Variants in PNPT1 observed in about 807,000 individuals in gnomAD.
PNPT1 encodes the protein polyribonucleotide nucleotidyltransferase 1, mitochondrial.
In PNPT1, 53 loss-of-function variants were observed where a neutral mutation model predicts 119.5. The observed-to-expected ratio is 0.44, with a 90% confidence interval of 0.36 to 0.56. The LOEUF is 0.56. Ranked by LOEUF, PNPT1 falls within the 20% of genes least tolerant of loss-of-function variation. The pLI is 0.00. For missense variants in PNPT1, 948 were observed against 938.5 expected, an observed-to-expected ratio of 1.01 and a Z score of -0.13; for synonymous variants, 357 against 322.1, an observed-to-expected ratio of 1.11 and a Z score of -1.16.
At chr2:55,637,343 T>C (rs1695707576) in intron 27 of PNPT1, among the ~76,000 whole-genome samples, 1 of 152,222 alleles carries the variant, frequency 6.6e-6, no homozygotes, top group African/African-American at 2.4e-5. Flanking sequence ...TGACTACCAT[T>C]TTGGCCAAGC....
At chr2:55,671,437 T>C in intron 10 of PNPT1, 61 bp from the exon 11 acceptor site, 1 of 1,039,516 alleles carries the variant, frequency 9.6e-7, no homozygotes, top group Non-Finnish European at 1.4e-6. Context: ...ATTTCTGTTT[T>C]CTAATTATTA....
At chr2:55,683,690 T>A in intron 5 of PNPT1, 95 bp downstream of exon 5, 2 of 1,143,536 alleles carry the variant, frequency 1.7e-6, no homozygotes, top group African/African-American at 1.6e-5. Flanking sequence ...AAAATTCTTA[T>A]GTTCTTTATA....
chr2:55,651,771 TTTAAAAAAAAAAAAAAAA>T (rs1696214767), intron 18 of PNPT1, among the ~76,000 whole-genome samples: 1 of 92,902 alleles, frequency 1.1e-5, no homozygotes, highest in African/African-American at 3.4e-5. Context: ...GAATGATCAA[TTTAAAAAAAAAAAAAAAA>T]TTAAAAAAAA....
intron 8 of PNPT1, among the ~76,000 whole-genome samples, chr2:55,679,405 A>T (rs535286237): frequency 6.6e-6 from 1 of 152,308 alleles, no homozygotes; most frequent in East Asian, 1.9e-4. Flanking sequence ...TAGACTAAAA[A>T]TTAGTCATAA....
intron 3 of PNPT1, among the ~76,000 whole-genome samples, chr2:55,685,812 A>G (rs1013396008): frequency 2.6e-5 from 4 of 152,216 alleles, no homozygotes; most frequent in African/African-American, 4.8e-5. Flanking sequence ...GTAAAACACC[A>G]TAGTATTTGT....
intron 18 of PNPT1, among the ~76,000 whole-genome samples, chr2:55,651,336 G>A (rs919316911): frequency 1.6e-4 from 24 of 152,148 alleles, no homozygotes; most frequent in African/African-American, 5.3e-4. Context: ...ATAGAAAGGG[G>A]GGAAAGGTGG....
chr2:55,661,438 A>G (rs1278443431), intron 14 of PNPT1, among the ~76,000 whole-genome samples: 1 of 152,036 alleles, frequency 6.6e-6, no homozygotes, highest in African/African-American at 2.4e-5. Flanking sequence ...GGCCTGCAAT[A>G]AAGATTCTTA....
chr2:55,644,474 C>T (rs1232631019), intron 23 of PNPT1, among the ~76,000 whole-genome samples, 163 bp downstream of exon 23: 2 of 152,126 alleles, frequency 1.3e-5, no homozygotes, highest in Non-Finnish European at 2.9e-5. Flanking sequence ...TATTAATAGG[C>T]ACACAGAAAA....
chr2:55,686,426 T>C lies in PNPT1; in HGVS notation c.241A>G (p.Met81Val), dbSNP rs2104178982. ...TTTGTTTTACTGACCGCTGTGACCA[T>C]TACTGCAGTGTCACCTGACTTAAAC... ...AVVQSGDTAV[M>V]VTAVSKTKPS... is the part of the protein sequence containing the mutation. Residue 81 changes from methionine (M) to valine (V), a missense_variant, in exon 3 of 28, where the codon ATG (methionine) becomes GTG (valine). Physicochemically the swap from Met to Val is conservative, Grantham distance 21. Coordinates refer to ENST00000447944, the MANE Select transcript of PNPT1 (RefSeq NM_033109.5). 1.2e-6 allele frequency: 2 copies of C among 1,613,826 alleles called. No individual in the cohort carries two copies. The highest frequency in any genetic ancestry group is 4.5e-5 in the East Asian group (2 of 44,850).
intron 8 of PNPT1, among the ~76,000 whole-genome samples, chr2:55,674,166 C>T (rs1696995302): frequency 6.6e-6 from 1 of 152,106 alleles, no homozygotes; most frequent in Non-Finnish European, 1.5e-5. Context: ...AGTAAGCCAA[C>T]TAAAGGACTG....
intron 23 of PNPT1, among the ~76,000 whole-genome samples, chr2:55,644,058 A>C (rs1262463769): frequency 1.3e-5 from 2 of 152,186 alleles, no homozygotes; most frequent in Non-Finnish European, 2.9e-5. Flanking sequence ...AGAAACTATA[A>C]TAGAACCCTT....
chr2:55,683,106 A>G (rs1227313285), intron 5 of PNPT1, among the ~76,000 whole-genome samples: 1 of 152,240 alleles, frequency 6.6e-6, no homozygotes, highest in East Asian at 1.9e-4. Flanking sequence ...CAGCAATAAA[A>G]TTAGGTAATA....
chr2:55,638,092 C>T (rs558061507), intron 26 of PNPT1, among the ~76,000 whole-genome samples: 10 of 150,936 alleles, frequency 6.6e-5, no homozygotes, highest in Admixed American at 2.6e-4. Context: ...ACTTGAGCTC[C>T]GGAGTTCGAA....
chr2:55,645,017 C>T (rs1005631179), intron 22 of PNPT1: 4 of 280,068 alleles, frequency 1.4e-5, no homozygotes, highest in Non-Finnish European at 2.6e-5. Context: ...ACCATGATCA[C>T]TAAAATTTTT....
chr2:55,642,008 A>T (rs916005830), intron 25 of PNPT1, among the ~76,000 whole-genome samples: 12 of 152,016 alleles, frequency 7.9e-5, no homozygotes, highest in African/African-American at 2.9e-4. Flanking sequence ...TGCCTGGCTA[A>T]CTTTTGTATT....
At chr2:55,656,481 GTTT>G (rs1196858711) in intron 15 of PNPT1, 110 bp from the exon 16 acceptor site, 1 of 1,039,268 alleles carries the variant, frequency 9.6e-7, no homozygotes, top group East Asian at 2.6e-5. Context: ...TCTCATTTTT[GTTT>G]TTTAAAAAAG....
intron 21 of PNPT1, among the ~76,000 whole-genome samples, chr2:55,645,890 T>A (rs542479888): frequency 1.3e-5 from 2 of 152,224 alleles, no homozygotes; most frequent in South Asian, 4.1e-4. Flanking sequence ...CGCAATGGCA[T>A]GATCTCGGCT....
intron 27 of PNPT1, 106 bp downstream of exon 27, chr2:55,637,446 T>TA: frequency 9.6e-7 from 1 of 1,043,290 alleles, no homozygotes; most frequent in Non-Finnish European, 1.5e-6. Flanking sequence ...TGCATACAAA[T>TA]AAAAAACTTC....
chr2:55,639,418 A>G (rs1416465487), intron 26 of PNPT1, among the ~76,000 whole-genome samples: 1 of 152,130 alleles, frequency 6.6e-6, no homozygotes, highest in Non-Finnish European at 1.5e-5. Context: ...GTTTGTCCCA[A>G]TTCACACCCC....
Sources: gnomAD v4.1 joint callset for allele counts (sites outside exome capture counted in the v4.1 genomes callset) on GRCh38, gnomAD v4.1.1 for gene constraint, MANE v1.5 for transcripts, NCBI Gene and HGNC (gene_info 2026-07-23, HGNC 2026-07-21) for gene names.